Variants in ITPK1 observed in about 807,000 individuals in gnomAD.
ITPK1 encodes inositol-tetrakisphosphate 1-kinase.
A neutral mutation model predicts 45.3 loss-of-function variants in ITPK1; 21 were observed. That is an observed-to-expected ratio of 0.46 (90% CI 0.33 to 0.67). ITPK1 has a LOEUF of 0.67. Ranked by LOEUF, ITPK1 falls within the 30% of genes least tolerant of loss-of-function variation. The pLI, the probability that ITPK1 is intolerant of heterozygous loss-of-function variation, is 0.02. For synonymous variants in ITPK1, 258 were observed against 253.6 expected (o/e 1.02, Z -0.16); for missense variants, 474 against 573.5 (o/e 0.83, Z 1.77).
rs1379155187 is a variant in ITPK1, at chr14:93,076,970, T to A, written c.96-351A>T. On this transcript the variant is annotated intron_variant, in intron 2 of 10. Coordinates refer to ENST00000267615, the MANE Select transcript of ITPK1 (RefSeq NM_014216.6). This position sits in a 1 kb window ranked among gnomAD's most constrained non-coding sequence, Gnocchi z 4.3. The stretch of plus-strand genomic sequence containing the variant: ...CAAGTTCACCACCATCCTCACCACC[T>A]GCCGTCCCTGCCGAGCTCAACCCCC... Among the ~76,000 whole-genome samples the A allele has an allele frequency of 6.6e-6, 1 of 152,040 alleles. No individual in the cohort carries two copies. Among genetic ancestry groups the A allele is most frequent in the Non-Finnish European group, 1.5e-5 (1 of 68,002 alleles).
chr14:92,956,099 T>C (rs911888979), intron 8 of ITPK1, among the ~76,000 whole-genome samples: 6 of 151,074 alleles, frequency 4.0e-5, no homozygotes, highest in African/African-American at 1.5e-4. Flanking sequence ...TGTGTGTTTC[T>C]CTACTATTTG....
intron 8 of ITPK1, among the ~76,000 whole-genome samples, chr14:92,953,898 C>T (rs566371598): frequency 1.3e-5 from 2 of 152,176 alleles, no homozygotes; most frequent in East Asian, 3.9e-4. Flanking sequence ...TTCTGTTTTT[C>T]TTTTTATTTT....
intron 3 of ITPK1, among the ~76,000 whole-genome samples, chr14:93,059,295 G>C (rs1478768582): frequency 1.3e-4 from 5 of 38,400 alleles, no homozygotes; most frequent in South Asian, 3.2e-3. Context: ...GAGTATGGGT[G>C]ACGAAGCAGG....
Position 93,014,577 on chromosome 14 carries a change from G to C in ITPK1, c.246+2099C>G, listed in dbSNP as rs1006952519. The stretch of plus-strand genomic sequence containing the variant: ...CAAGGAGGAAGGAACTGAGGCTGTG[G>C]GGAGGCACGCGGTTCCTAAGTTTTG... On this transcript the variant is annotated intron_variant, in intron 4 of 10. Coordinates refer to ENST00000267615, the MANE Select transcript of ITPK1 (RefSeq NM_014216.6). This position sits in a 1 kb window ranked among gnomAD's most constrained non-coding sequence, Gnocchi z 4.4. Among the ~76,000 whole-genome samples the C allele has an allele frequency of 6.6e-6, 1 of 152,212 alleles. No individual in the cohort carries two copies. The highest frequency in any genetic ancestry group is 6.5e-5 in the Admixed American group (1 of 15,284).
chr14:93,098,298 T>C (rs1892165855), intron 2 of ITPK1, among the ~76,000 whole-genome samples: 2 of 151,370 alleles, frequency 1.3e-5, no homozygotes, highest in Admixed American at 1.3e-4. Context: ...CTACTAAAAC[T>C]ACAAAAAAAG....
rs1359833418 is a variant in ITPK1 at position 92,941,656 on chromosome 14, G to A, written c.1150C>T (p.Leu384=). 6.5e-7 allele frequency: 1 copy of A among 1,540,210 alleles called. No individual in the cohort carries two copies. The highest frequency in any genetic ancestry group is 8.7e-7 in the Non-Finnish European group (1 of 1,145,274). The change falls in exon 11 of 11, where the codon CTG becomes TTG. Residue 384 remains leucine, a synonymous_variant. Coordinates refer to ENST00000267615, the MANE Select transcript of ITPK1 (RefSeq NM_014216.6). ...AEADAGGTAK[L]PHQRLGCNAG... is the part of the protein sequence containing the mutation. Reference sequence around the variant, plus strand: ...TTGCAGCCGAGTCTCTGGTGCGGCAGCTTGGCGGTGCCGCCCGCGTCGGCC... The same window carrying A: ...TTGCAGCCGAGTCTCTGGTGCGGCAACTTGGCGGTGCCGCCCGCGTCGGCC...
At chr14:92,986,063 G>A (rs1459027715) in intron 5 of ITPK1, among the ~76,000 whole-genome samples, 1 of 152,210 alleles carries the variant, frequency 6.6e-6, no homozygotes, top group Non-Finnish European at 1.5e-5. Context: ...GTCCCATGGA[G>A]ACAGCACTGG....
At chr14:93,046,731 ACAG>A (rs946975672) in intron 3 of ITPK1, among the ~76,000 whole-genome samples, 2 of 152,210 alleles carry the variant, frequency 1.3e-5, no homozygotes, top group Non-Finnish European at 2.9e-5. Flanking sequence ...GCCTTCTCCC[ACAG>A]CAGATGAAAA....
chr14:93,020,166 T>C (rs943586298), intron 3 of ITPK1, among the ~76,000 whole-genome samples: 3 of 152,182 alleles, frequency 2.0e-5, no homozygotes, highest in Non-Finnish European at 4.4e-5. Context: ...AGAGACTTAC[T>C]AGAGGTGGGG....
chr14:93,048,959 A>C (rs2139926075), intron 3 of ITPK1, among the ~76,000 whole-genome samples: 1 of 152,216 alleles, frequency 6.6e-6, no homozygotes, highest in South Asian at 2.1e-4. Context: ...AAAAAAAAGA[A>C]ACACTCTCTC....
chr14:93,040,719 A>C (rs1889525358), intron 3 of ITPK1, among the ~76,000 whole-genome samples: 1 of 152,066 alleles, frequency 6.6e-6, no homozygotes, highest in African/African-American at 2.4e-5. Flanking sequence ...CTGAGCAGGA[A>C]GTAGCTCTGT....
At chr14:93,005,681 C>T (rs1443305522) in intron 4 of ITPK1, among the ~76,000 whole-genome samples, 1 of 152,214 alleles carries the variant, frequency 6.6e-6, no homozygotes, top group East Asian at 1.9e-4. Flanking sequence ...AACCGGACAA[C>T]AGCCAAAATG....
chr14:92,965,626 T>C (rs1009525229), intron 5 of ITPK1, among the ~76,000 whole-genome samples: 5 of 152,228 alleles, frequency 3.3e-5, no homozygotes, highest in African/African-American at 7.2e-5. Context: ...TCCAAAACTA[T>C]TAGAGCTAAT....
chr14:92,994,064 C>T (rs972030830), intron 4 of ITPK1, 67 bp from the exon 5 acceptor site: 23 of 989,042 alleles, frequency 2.3e-5, no homozygotes, highest in African/African-American at 1.4e-4. Context: ...ACCCCTCGCG[C>T]CCTCTGCACG....
At chr14:93,028,571 T>C (rs955324960) in intron 3 of ITPK1, among the ~76,000 whole-genome samples, 1 of 152,196 alleles carries the variant, frequency 6.6e-6, no homozygotes, top group African/African-American at 2.4e-5. Context: ...CACTGTTTCC[T>C]CACTGGTACA....
At chr14:93,028,615 C>T (rs941348027) in intron 3 of ITPK1, among the ~76,000 whole-genome samples, 2 of 152,220 alleles carry the variant, frequency 1.3e-5, no homozygotes, top group African/African-American at 2.4e-5. Context: ...CAGCATTCCA[C>T]GAGACAGTGT....
chr14:93,033,650 G>A (rs997327636), intron 3 of ITPK1, among the ~76,000 whole-genome samples: 4 of 152,220 alleles, frequency 2.6e-5, no homozygotes, highest in African/African-American at 7.2e-5. Context: ...AGGCCAGACA[G>A]GAGGTAAGAG....
intron 2 of ITPK1, among the ~76,000 whole-genome samples, chr14:93,110,207 C>T (rs1249586108): frequency 1.3e-5 from 2 of 151,450 alleles, no homozygotes; most frequent in Admixed American, 1.3e-4. Context: ...ATGTGAAGTT[C>T]TGTTTGCTCC....
At chr14:93,006,475 G>T (rs1177017732) in intron 4 of ITPK1, among the ~76,000 whole-genome samples, 2 of 152,236 alleles carry the variant, frequency 1.3e-5, no homozygotes, top group Non-Finnish European at 2.9e-5. Flanking sequence ...CGCAAATGGG[G>T]CACCCTGAAT....
Sources: gnomAD v4.1 joint callset for allele counts (sites outside exome capture counted in the v4.1 genomes callset) on GRCh38, gnomAD v4.1.1 for gene constraint, Gnocchi (gnomAD v3.1) non-coding constraint, MANE v1.5 for transcripts, NCBI Gene and HGNC (gene_info 2026-07-23, HGNC 2026-07-21) for gene names.